RNF17: variants seen among roughly 807,000 people sequenced by gnomAD.
RNF17 encodes the protein spermatogenesis associated 23.
Under a neutral mutation model 200.5 loss-of-function variants are expected in RNF17, and 31 were observed. The observed-to-expected ratio is 0.15, with a 90% CI of 0.12 to 0.21. The LOEUF (loss-of-function observed/expected upper bound fraction) is 0.21. Ranked by LOEUF, RNF17 falls within the 10% of genes least tolerant of loss-of-function variation. RNF17 has a pLI of 1.00. For synonymous variants in RNF17, 606 were observed against 637.8 expected, an observed-to-expected ratio of 0.95 and a Z score of 0.75; for missense variants, 1,628 against 1,905.1, an observed-to-expected ratio of 0.85 and a Z score of 2.71.
intron 15 of RNF17, among the ~76,000 whole-genome samples, chr13:24,820,537 G>C (rs925233122): frequency 1.3e-5 from 2 of 152,154 alleles, no homozygotes; most frequent in African/African-American, 4.8e-5. Context: ...CCGGGTTCAA[G>C]CAATTCTTCT....
intron 15 of RNF17, among the ~76,000 whole-genome samples, chr13:24,811,603 C>T (rs1276511214): frequency 2.0e-5 from 3 of 152,108 alleles, no homozygotes; most frequent in East Asian, 1.9e-4. Flanking sequence ...TCCCGTAGCT[C>T]GGAGTAATTT....
chr13:24,802,653 G>A (rs1317343984), intron 14 of RNF17, 82 bp downstream of exon 14: 5 of 1,074,036 alleles, frequency 4.7e-6, no homozygotes, highest in Non-Finnish European at 6.7e-6. Context: ...TAAAAACCAT[G>A]TCTGTAAAGT....
rs753230034 is a variant in RNF17, at chr13:24,799,494, G to C, written c.1499G>C (p.Cys500Ser). The change falls in exon 12 of 36, where the codon TGT (cysteine) becomes TCT (serine). Residue 500 changes from cysteine (C) to serine (S), a missense_variant. This residue lies in a region of RNF17 where 289 missense variants were observed against 384.9 expected (regional missense o/e 0.75). Coordinates refer to ENST00000255324, the MANE Select transcript of RNF17 (RefSeq NM_031277.3). ...GAGGGTAGAAATACCAGAAAACCTTGTAGTCCAACCAGATTATTTGTCCAT... is the reference window on the plus strand; with the variant it reads ...GAGGGTAGAAATACCAGAAAACCTTCTAGTCCAACCAGATTATTTGTCCAT... ...PIEGRNTRKPCSPTRLFVHEV... is the reference protein window; with the variant it reads ...PIEGRNTRKPSSPTRLFVHEV... 3 of 1,611,260 alleles carry C rather than the reference G, an allele frequency of 1.9e-6. No homozygotes were observed. In the East Asian group the frequency reaches 6.7e-5, roughly 36 times the overall value.
chr13:24,771,478 C>T (rs1428071557), intron 2 of RNF17, among the ~76,000 whole-genome samples: 1 of 151,468 alleles, frequency 6.6e-6, no homozygotes, highest in Non-Finnish European at 1.5e-5. Context: ...TGTCTTTTTT[C>T]CTAAGTTGTA....
chr13:24,748,125 G>A, the RNF17 span, among the ~76,000 whole-genome samples: 1 of 143,138 alleles, frequency 7.0e-6, no homozygotes, highest in African/African-American at 2.5e-5. Flanking sequence ...CCGGACTCCA[G>A]GCAGGAAGCG....
chr13:24,866,306 T>C (rs1893616958), intron 30 of RNF17, 103 bp downstream of exon 30: 1 of 631,782 alleles, frequency 1.6e-6, no homozygotes, highest in Non-Finnish European at 2.8e-6. Flanking sequence ...TTATTATTTA[T>C]ATATCATAGA....
At chr13:24,757,271 T>C in the RNF17 span, among the ~76,000 whole-genome samples, 1 of 152,094 alleles carries the variant, frequency 6.6e-6, no homozygotes, top group Non-Finnish European at 1.5e-5. Context: ...GAAATTCTAC[T>C]GTACTTGATA....
chr13:24,766,217 T>G (rs1283910228), intron 1 of RNF17, among the ~76,000 whole-genome samples: 12 of 152,242 alleles, frequency 7.9e-5, no homozygotes, highest in Non-Finnish European at 1.5e-5. Flanking sequence ...AATGAATGGA[T>G]GAATAAATAA....
At chr13:24,860,881 C>CTT (rs57385609) in intron 26 of RNF17, among the ~76,000 whole-genome samples, 33,330 of 144,162 alleles carry the variant, frequency 0.23, 4,202 homozygotes, top group Non-Finnish European at 0.29. Flanking sequence ...TTTCAGATGT[C>CTT]TTTTTTTTTT....
intron 18 of RNF17, among the ~76,000 whole-genome samples, chr13:24,833,720 C>A (rs961893092): frequency 6.6e-6 from 1 of 152,156 alleles, no homozygotes; most frequent in Non-Finnish European, 1.5e-5. Context: ...AGGCCTTGCC[C>A]AACCAAAACT....
intron 7 of RNF17, among the ~76,000 whole-genome samples, chr13:24,788,453 G>C (rs979039482): frequency 1.3e-5 from 2 of 151,912 alleles, no homozygotes; most frequent in Non-Finnish European, 2.9e-5. Flanking sequence ...AGGTGACATT[G>C]AGGTGAAAGT....
intron 9 of RNF17, among the ~76,000 whole-genome samples, chr13:24,792,447 T>C (rs1472295524): frequency 2.0e-5 from 3 of 151,622 alleles, no homozygotes; most frequent in African/African-American, 4.8e-5. Context: ...CAGACAGAAG[T>C]TGAAGGAGAA....
intron 11 of RNF17, among the ~76,000 whole-genome samples, chr13:24,797,705 A>AGTTTGTGT (rs59493601): frequency 5.0e-5 from 6 of 119,048 alleles, no homozygotes; most frequent in African/African-American, 1.3e-4. Context: ...AGAGACAAAG[A>AGTTTGTGT]GTGTGTGTGT....
chr13:24,747,878 G>C, the RNF17 span, among the ~76,000 whole-genome samples: 11 of 152,252 alleles, frequency 7.2e-5, no homozygotes, highest in African/African-American at 2.4e-4. Flanking sequence ...TGGCTAAAGC[G>C]GTTCCTGGTA....
the RNF17 span, among the ~76,000 whole-genome samples, chr13:24,749,486 G>C: frequency 6.6e-6 from 1 of 151,860 alleles, no homozygotes; most frequent in East Asian, 1.9e-4. Flanking sequence ...AACTTTCTGA[G>C]TAAAACAATT....
chr13:24,784,959 G>A (rs1007609675), intron 6 of RNF17, among the ~76,000 whole-genome samples: 6 of 152,086 alleles, frequency 3.9e-5, no homozygotes, highest in Admixed American at 6.5e-5. Context: ...CATCTGCCTC[G>A]GCCTCCCAAA....
intron 32 of RNF17, among the ~76,000 whole-genome samples, chr13:24,871,776 G>A (rs1894282208): frequency 6.6e-6 from 1 of 151,266 alleles, no homozygotes; most frequent in Non-Finnish European, 1.5e-5. Context: ...GTGATTATAG[G>A]CACGCGCCAC....
rs1458094748 is a variant in RNF17 at position 24,874,104 on chromosome 13, G to A, written c.4448-10G>A. 6.2e-7 allele frequency: 1 copy of A among 1,600,780 alleles called. No individual in the cohort carries two copies. Among genetic ancestry groups the A allele is most frequent in the Non-Finnish European group, 8.5e-7 (1 of 1,176,866 alleles). On this transcript the variant is annotated splice_polypyrimidine_tract_variant and intron_variant, in intron 32 of 35. Coordinates refer to ENST00000255324, the MANE Select transcript of RNF17 (RefSeq NM_031277.3). Reference sequence around the variant, plus strand: ...ACAATATGATTTTTTCCCTTTTTCTGTCTTTCCAGAAATGCCTTGCCTTGC... The same window carrying A: ...ACAATATGATTTTTTCCCTTTTTCTATCTTTCCAGAAATGCCTTGCCTTGC...
chr13:24,761,452 T>C (rs73463088), upstream of RNF17, among the ~76,000 whole-genome samples: 1,782 of 152,346 alleles, frequency 0.012, 53 homozygotes, highest in African/African-American at 0.041. Flanking sequence ...CTGCTGCTAT[T>C]TGATCTCTGA....
Sources: allele counts gnomAD v4.1 joint callset (sites outside exome capture counted in the v4.1 genomes callset), GRCh38; gene constraint gnomAD v4.1.1; regional missense constraint gnomAD v4.1.1; transcripts MANE v1.5; gene names NCBI Gene and HGNC (gene_info 2026-07-23, HGNC 2026-07-21).